Variants in ADGRA1 observed in about 807,000 individuals in gnomAD.
ADGRA1 encodes the protein G-protein coupled receptor 123.
ADGRA1 carries 12 observed loss-of-function variants against 21.3 expected under a neutral mutation model. The observed-to-expected ratio is 0.56, with a 90% CI of 0.36 to 0.91. ADGRA1 has a LOEUF of 0.91. Ranked by LOEUF, ADGRA1 falls within the 40% of genes least tolerant of loss-of-function variation. The pLI is 0.01. For missense variants in ADGRA1, 790 were observed against 805.6 expected (o/e 0.98, Z 0.23); for synonymous variants, 385 against 368.8 (o/e 1.04, Z -0.50).
chr10:133,111,802 A>G (rs371458646), intron 5 of ADGRA1, among the ~76,000 whole-genome samples: 126 of 138,130 alleles, frequency 9.1e-4, no homozygotes, highest in Non-Finnish European at 1.2e-3. Context: ...CCACCTGCCC[A>G]CCACAGGCAC....
At chr10:133,119,474 G>A (rs1456439206) in intron 5 of ADGRA1, among the ~76,000 whole-genome samples, 1 of 152,184 alleles carries the variant, frequency 6.6e-6, no homozygotes, top group Non-Finnish European at 1.5e-5. Context: ...AGCACGTGGT[G>A]CTGTTTGGTG....
intron 5 of ADGRA1, among the ~76,000 whole-genome samples, chr10:133,103,817 T>C (rs1335713794): frequency 6.6e-6 from 1 of 152,210 alleles, no homozygotes; most frequent in African/African-American, 2.4e-5. Context: ...GAACTGAGAC[T>C]GAATCCCAGA....
At chr10:133,112,888 CCGCGT>C in intron 5 of ADGRA1, among the ~76,000 whole-genome samples, 1 of 140,472 alleles carries the variant, frequency 7.1e-6, no homozygotes, top group South Asian at 2.3e-4. Flanking sequence ...GGTCTGCGGG[CCGCGT>C]CAGTTCGGTT....
At position 133,088,725 on chromosome 10, in the gene ADGRA1, A is replaced by G; in HGVS notation, c.-185A>G. ...CTTCACAGATGGGAGCAGCTCCCGG[A>G]CTGCGCCCGCCCCGCCGCGGTCACC... On this transcript the variant is annotated 5_prime_UTR_variant, in exon 2 of 7. Transcript: ENST00000392607. 1 of 1,229,514 alleles carries G rather than the reference A, an allele frequency of 8.1e-7. No individual in the cohort carries two copies. The highest frequency in any genetic ancestry group is 1.0e-6 in the Non-Finnish European group (1 of 987,030). 76.2% of individuals were successfully genotyped at this position (1,229,514 alleles called of 1,614,324 possible). A position where few individuals can be genotyped will look rare whatever the true frequency, so the allele number is the denominator to read the frequency against.
intron 2 of ADGRA1, 60 bp downstream of exon 2, chr10:133,088,972 C>T (rs1261669098): frequency 8.1e-7 from 1 of 1,235,360 alleles, no homozygotes; most frequent in Non-Finnish European, 1.0e-6. Context: ...GGGGGGGCGG[C>T]CACCCGTATG....
intron 5 of ADGRA1, among the ~76,000 whole-genome samples, chr10:133,106,678 C>T (rs1034692605): frequency 6.6e-6 from 1 of 152,268 alleles, no homozygotes; most frequent in Non-Finnish European, 1.5e-5. Context: ...GCAGCAGACA[C>T]CCATCCCAGA....
chr10:133,105,206 C>T (rs1179991772), intron 5 of ADGRA1, among the ~76,000 whole-genome samples: 1 of 152,228 alleles, frequency 6.6e-6, no homozygotes, highest in Non-Finnish European at 1.5e-5. Context: ...CCTCTCTGGC[C>T]GTTCCCATCC....
At chr10:133,115,846 C>A (rs1360886399) in intron 5 of ADGRA1, among the ~76,000 whole-genome samples, 1 of 152,198 alleles carries the variant, frequency 6.6e-6, no homozygotes, top group Non-Finnish European at 1.5e-5. Context: ...ACACCACTGC[C>A]AGGTCCTGGT....
At chr10:133,093,025 G>A (rs375299626) in intron 2 of ADGRA1, 14 of 1,595,040 alleles carry the variant, frequency 8.8e-6, no homozygotes, top group African/African-American at 1.3e-5. Context: ...GCCAGTCGGA[G>A]CTGCAGACCT....
chr10:133,112,799 G>A (rs1299331912), intron 5 of ADGRA1, among the ~76,000 whole-genome samples: 10 of 136,436 alleles, frequency 7.3e-5, no homozygotes, highest in South Asian at 5.1e-4. Context: ...TGGGGTCTGC[G>A]GGCCGTGTTG....
chr10:133,105,385 G>T (rs1367935846), intron 5 of ADGRA1, among the ~76,000 whole-genome samples: 1 of 152,150 alleles, frequency 6.6e-6, no homozygotes, highest in Non-Finnish European at 1.5e-5. Flanking sequence ...TGTTTAACAA[G>T]AAATAACAAG....
intron 5 of ADGRA1, among the ~76,000 whole-genome samples, chr10:133,107,012 T>G (rs1851906253): frequency 1.3e-5 from 2 of 152,274 alleles, no homozygotes; most frequent in South Asian, 4.1e-4. Flanking sequence ...CTTTAATTTC[T>G]TCCAGCAAAG....
At chr10:133,093,164 G>A (rs113910052) in intron 2 of ADGRA1, 36,156 of 1,595,816 alleles carry the variant, frequency 0.023, 1,518 homozygotes, top group African/African-American at 0.18. Context: ...ACCTGGCCCC[G>A]GACACCTCAC....
intron 4 of ADGRA1, among the ~76,000 whole-genome samples, chr10:133,099,890 A>G (rs1464189028): frequency 6.6e-6 from 1 of 152,186 alleles, no homozygotes; most frequent in Non-Finnish European, 1.5e-5. Flanking sequence ...TGGCACTGAC[A>G]TGCACCTGCA....
At chr10:133,124,851 C>T (rs533190017) in intron 5 of ADGRA1, among the ~76,000 whole-genome samples, 9 of 146,292 alleles carry the variant, frequency 6.2e-5, no homozygotes, top group South Asian at 4.4e-4. Flanking sequence ...GCCCCGGCCC[C>T]GGCCCCGCGC....
intron 5 of ADGRA1, among the ~76,000 whole-genome samples, chr10:133,124,430 A>C (rs1422207630): frequency 1.3e-5 from 2 of 152,010 alleles, no homozygotes; most frequent in African/African-American, 4.8e-5. Flanking sequence ...CCTTTCTAGA[A>C]ACCTTCCCCC....
rs376371159 is a variant in ADGRA1, at chr10:133,111,951, C to G, written c.401+9109C>G. On this transcript the variant is annotated intron_variant, in intron 5 of 6. Transcript: ENST00000392607. Reference sequence around the variant, plus strand: ...CCGCCGTGAGCACCTCCCTCCTAATCCCTCCAGACCACCTGCCCACCACAG... The same window carrying G: ...CCGCCGTGAGCACCTCCCTCCTAATGCCTCCAGACCACCTGCCCACCACAG... Among the ~76,000 whole-genome samples, 174 of 55,386 alleles carry G rather than the reference C, an allele frequency of 3.1e-3. 26 individuals are homozygous for G. The East Asian group carries it at 0.033, about 11-fold the overall frequency. The allele number at this position is 55,386 out of a possible 152,430, so 36.3% of individuals were successfully genotyped here. A position where few individuals can be genotyped will look rare whatever the true frequency, so the allele number is the denominator to read the frequency against.
At chr10:133,124,858 G>A (rs1035303367) in intron 5 of ADGRA1, among the ~76,000 whole-genome samples, 42 of 151,552 alleles carry the variant, frequency 2.8e-4, no homozygotes, top group African/African-American at 6.5e-4. Flanking sequence ...CCCCGGCCCC[G>A]CGCCTGCACG....
chr10:133,118,203 A>G (rs61612493), intron 5 of ADGRA1, among the ~76,000 whole-genome samples: 5 of 151,800 alleles, frequency 3.3e-5, no homozygotes, highest in Non-Finnish European at 7.4e-5. Flanking sequence ...AGAGAGTAAA[A>G]CCCCTTGAGG....
Sources: gnomAD v4.1 joint callset for allele counts (sites outside exome capture counted in the v4.1 genomes callset) on GRCh38, gnomAD v4.1.1 for gene constraint, MANE v1.5 for transcripts, NCBI Gene and HGNC (gene_info 2026-07-23, HGNC 2026-07-21) for gene names.